Variants in RNF152 observed in about 807,000 individuals in gnomAD.
RNF152 encodes E3 ubiquitin-protein ligase RNF152.
RNF152 carries 11 observed loss-of-function variants against 12.7 expected under a neutral mutation model. The observed-to-expected ratio is 0.86, with a 90% CI of 0.54 to 1.43. The LOEUF is 1.43. RNF152 is among the 40% of genes most tolerant of loss of function. The probability of loss-of-function intolerance (pLI) is 0.00; values close to 1 mark genes in which losing one functional copy is unlikely to be tolerated. For missense variants in RNF152, 255 were observed against 274.8 expected, an observed-to-expected ratio of 0.93 and a Z score of 0.51; for synonymous variants, 113 against 120.3, an observed-to-expected ratio of 0.94 and a Z score of 0.40.
At chr18:61,839,054 CAAAAA>C (rs35125130) in intron 1 of RNF152, among the ~76,000 whole-genome samples, 1 of 127,786 alleles carries the variant, frequency 7.8e-6, no homozygotes. Flanking sequence ...ACTCTGTGGC[CAAAAA>C]AAAAAAAAAA....
chr18:61,881,859 A>AT (rs1471267477), intron 1 of RNF152, among the ~76,000 whole-genome samples: 2 of 152,176 alleles, frequency 1.3e-5, no homozygotes, highest in African/African-American at 4.8e-5. Flanking sequence ...CAGAGAAGAC[A>AT]TTTTTCCTTG....
At chr18:61,889,732 A>G (rs1912867761) in intron 1 of RNF152, among the ~76,000 whole-genome samples, 1 of 152,136 alleles carries the variant, frequency 6.6e-6, no homozygotes, top group Non-Finnish European at 1.5e-5. Context: ...CCCCCTTCAG[A>G]TCTTATCTGT....
Position 61,844,020 on chromosome 18 carries a change from AAAAG to A in RNF152, c.-135-27426_-135-27423del, listed in dbSNP as rs201778796. On this transcript the variant is annotated intron_variant, in intron 1 of 1. Transcript: ENST00000312828. ...AATAAGCAGATAAGGAGAATGAGAGAAAAGAAAGAGAGAGAGAAAGAAAAAGAAA... is the reference window on the plus strand; with the variant it reads ...AATAAGCAGATAAGGAGAATGAGAGAAAAGAGAGAGAGAAAGAAAAAGAAA... Among the ~76,000 whole-genome samples the A allele has an allele frequency of 2.8e-3, 423 of 150,898 alleles. 2 individuals carry two copies. The highest frequency in any genetic ancestry group is 8.5e-3 in the African/African-American group (347 of 40,962).
At chr18:61,883,647 T>C (rs1912564629) in intron 1 of RNF152, among the ~76,000 whole-genome samples, 1 of 152,180 alleles carries the variant, frequency 6.6e-6, no homozygotes, top group Non-Finnish European at 1.5e-5. Flanking sequence ...GACCCAGGTA[T>C]GCTCTTAGTC....
chr18:61,840,568 G>T (rs1234133322), intron 1 of RNF152, among the ~76,000 whole-genome samples: 1 of 152,042 alleles, frequency 6.6e-6, no homozygotes, highest in Non-Finnish European at 1.5e-5. Context: ...CTTCTAGCTT[G>T]TGGCTTCATA....
chr18:61,886,420 T>C (rs753671757), intron 1 of RNF152, among the ~76,000 whole-genome samples: 3 of 152,220 alleles, frequency 2.0e-5, no homozygotes, highest in East Asian at 1.9e-4. Context: ...TGAGATCTCT[T>C]TGAGTGCCTA....
chr18:61,816,587 G>C lies in RNF152; in HGVS notation c.-124C>G. 1.0e-6 allele frequency: 1 copy of C among 989,148 alleles called. No homozygotes were observed. The highest frequency in any genetic ancestry group is 1.5e-6 in the Non-Finnish European group (1 of 660,176). 61.3% of individuals were successfully genotyped at this position (989,148 alleles called of 1,614,324 possible). On this transcript the variant is annotated 5_prime_UTR_variant, in exon 2 of 2. Transcript: ENST00000312828. ...GCTCACAGGCATCCAGTACTCACAG[G>C]TGTGTTCATTTCTGAGAGAGACAAA...
intron 1 of RNF152, among the ~76,000 whole-genome samples, chr18:61,886,346 C>T (rs917292010): frequency 2.0e-5 from 3 of 152,280 alleles, no homozygotes; most frequent in African/African-American, 2.4e-5. Flanking sequence ...TGTACAAACA[C>T]GGTGGCAAAC....
Position 61,808,511 on chromosome 18 carries a change from T to A in RNF152, c.*7341A>T, listed in dbSNP as rs754254232. On this transcript the variant is annotated 3_prime_UTR_variant, in exon 2 of 2. Transcript: ENST00000312828. ...CATTAATATAGCCATTAGACTGGAG[T>A]ATTTGTTATCAAGAGGGCCAGAGAA... 1 of 150,088 alleles carries A rather than the reference T, an allele frequency of 6.7e-6. No homozygotes were observed. Among genetic ancestry groups the A allele is most frequent in the Admixed American group, 6.7e-5 (1 of 14,954 alleles). The allele number at this position is 150,088 out of a possible 1,614,324, so 9.3% of individuals were successfully genotyped here. A position where few individuals can be genotyped will look rare whatever the true frequency, so the allele number is the denominator to read the frequency against.
In RNF152 at chr18:61,808,381, G is replaced by T; in HGVS notation, c.*7471C>A. ...AGCTCATTTATCTGTAGGGCTATTTGGCCCTTAAAAAAAAAAAAAAAAAAA... is the reference window on the plus strand; with the variant it reads ...AGCTCATTTATCTGTAGGGCTATTTTGCCCTTAAAAAAAAAAAAAAAAAAA... On this transcript the variant is annotated 3_prime_UTR_variant, in exon 2 of 2. Coordinates refer to ENST00000312828, the MANE Select transcript of RNF152 (RefSeq NM_173557.3). 9.7e-6 allele frequency: 1 copy of T among 102,928 alleles called. No homozygotes were observed. Among genetic ancestry groups the T allele is most frequent in the East Asian group, 2.4e-4 (1 of 4,096 alleles). 6.4% of individuals were successfully genotyped at this position (102,928 alleles called of 1,614,324 possible).
At chr18:61,824,040 A>G (rs1159071043) in intron 1 of RNF152, among the ~76,000 whole-genome samples, 3 of 152,226 alleles carry the variant, frequency 2.0e-5, no homozygotes, top group Non-Finnish European at 2.9e-5. Flanking sequence ...CAATGAATGA[A>G]TTTGACCCCT....
At chr18:61,882,314 C>T (rs983704624) in intron 1 of RNF152, among the ~76,000 whole-genome samples, 4 of 152,214 alleles carry the variant, frequency 2.6e-5, no homozygotes, top group African/African-American at 9.7e-5. Context: ...TTATTAGATG[C>T]ATTCTGTTTG....
intron 1 of RNF152, among the ~76,000 whole-genome samples, chr18:61,844,967 C>T (rs1372149100): frequency 1.3e-5 from 2 of 152,168 alleles, no homozygotes; most frequent in Non-Finnish European, 2.9e-5. Context: ...TTTATTCCTT[C>T]CATTCCTCCT....
chr18:61,878,302 C>T (rs1012558381), intron 1 of RNF152, among the ~76,000 whole-genome samples: 2 of 152,164 alleles, frequency 1.3e-5, no homozygotes, highest in African/African-American at 4.8e-5. Context: ...CTAAACATCC[C>T]ACACTGCACA....
chr18:61,845,534 A>G (rs1910706605), intron 1 of RNF152, among the ~76,000 whole-genome samples: 1 of 152,166 alleles, frequency 6.6e-6, no homozygotes. Flanking sequence ...TATAGTCAAA[A>G]CAGTTGCTTC....
intron 1 of RNF152, among the ~76,000 whole-genome samples, chr18:61,818,427 T>TA (rs998802726): frequency 3.1e-4 from 44 of 144,056 alleles, no homozygotes; most frequent in South Asian, 8.9e-4. Flanking sequence ...TGTCTCAAAT[T>TA]AAAAAAAAAA....
At chr18:61,870,236 A>C (rs1222415213) in intron 1 of RNF152, among the ~76,000 whole-genome samples, 3 of 152,182 alleles carry the variant, frequency 2.0e-5, no homozygotes, top group Non-Finnish European at 2.9e-5. Flanking sequence ...TTTGGTGGTC[A>C]AATCCAATTG....
intron 1 of RNF152, among the ~76,000 whole-genome samples, chr18:61,840,958 T>C (rs887104439): frequency 1.3e-5 from 2 of 152,146 alleles, no homozygotes; most frequent in Admixed American, 6.5e-5. Flanking sequence ...CCAGCTTCCA[T>C]CTCCAGAAGC....
intron 1 of RNF152, among the ~76,000 whole-genome samples, chr18:61,862,654 C>T (rs527846481): frequency 1.0e-3 from 153 of 152,294 alleles, no homozygotes; most frequent in African/African-American, 3.6e-3. Flanking sequence ...CACCCTGTCC[C>T]CCACCCCTCA....
Sources: allele counts gnomAD v4.1 joint callset (sites outside exome capture counted in the v4.1 genomes callset), GRCh38; gene constraint gnomAD v4.1.1; transcripts MANE v1.5; gene names NCBI Gene and HGNC (gene_info 2026-07-23, HGNC 2026-07-21).